Variants in NELL1 observed in about 807,000 individuals in gnomAD.
The protein encoded by NELL1 is neural EGFL like 1.
Under a neutral mutation model 107.4 loss-of-function variants are expected in NELL1, and 76 were observed. That is an observed-to-expected ratio of 0.71 (90% CI 0.59 to 0.86). The LOEUF (loss-of-function observed/expected upper bound fraction) is 0.86. Among genes scored for constraint, NELL1 ranks in the 40% least tolerant of loss-of-function variants. The probability of loss-of-function intolerance (pLI) is 0.00; values close to 1 mark genes in which losing one functional copy is unlikely to be tolerated. For missense variants in NELL1, 1,024 were observed against 1,005.5 expected, an observed-to-expected ratio of 1.02 and a Z score of -0.25; for synonymous variants, 353 against 341.2, an observed-to-expected ratio of 1.03 and a Z score of -0.38.
At chr11:21,416,957 AT>A (rs573813835) in intron 15 of NELL1, among the ~76,000 whole-genome samples, 43 of 151,882 alleles carry the variant, frequency 2.8e-4, no homozygotes, top group African/African-American at 7.5e-4. Context: ...ATATAAGTTT[AT>A]TTTTTTTAGT....
At chr11:20,909,878 G>A (rs1287257743) in intron 5 of NELL1, among the ~76,000 whole-genome samples, 1 of 152,106 alleles carries the variant, frequency 6.6e-6, no homozygotes, top group Non-Finnish European at 1.5e-5. Context: ...GGGTACATGT[G>A]CAGGATATTT....
intron 12 of NELL1, among the ~76,000 whole-genome samples, chr11:21,038,764 C>A (rs1402905072): frequency 6.6e-6 from 1 of 152,076 alleles, no homozygotes; most frequent in Non-Finnish European, 1.5e-5. Context: ...GCCTGTGGAC[C>A]AATGCTGGCC....
intron 12 of NELL1, among the ~76,000 whole-genome samples, chr11:21,044,198 A>G (rs1516761): frequency 0.33 from 49,665 of 151,938 alleles, 9,164 homozygotes; most frequent in African/African-American, 0.5. Flanking sequence ...TGCCTTTAGC[A>G]AGAAAGCAGC....
At chr11:20,944,668 A>T (rs1850926902) in intron 10 of NELL1, among the ~76,000 whole-genome samples, 1 of 152,258 alleles carries the variant, frequency 6.6e-6, no homozygotes, top group South Asian at 2.1e-4. Flanking sequence ...TACTAGAGAT[A>T]GGTTTGAAAA....
intron 13 of NELL1, among the ~76,000 whole-genome samples, chr11:21,130,464 C>T (rs180980192): frequency 6.6e-6 from 1 of 152,312 alleles, no homozygotes; most frequent in African/African-American, 2.4e-5. Context: ...GGGCACTTCA[C>T]ACACAGCATT....
chr11:21,368,623 C>T (rs1851287551), intron 14 of NELL1, among the ~76,000 whole-genome samples: 1 of 151,930 alleles, frequency 6.6e-6, no homozygotes, highest in South Asian at 2.1e-4. Flanking sequence ...TATCAGATAC[C>T]TCCATGAAAA....
intron 3 of NELL1, among the ~76,000 whole-genome samples, chr11:20,838,091 A>G (rs1848565244): frequency 6.6e-6 from 1 of 151,978 alleles, no homozygotes; most frequent in Non-Finnish European, 1.5e-5. Flanking sequence ...TAGTGATGTC[A>G]TGTAGTAGAA....
At chr11:20,913,286 T>C (rs1850172773) in intron 5 of NELL1, among the ~76,000 whole-genome samples, 1 of 152,000 alleles carries the variant, frequency 6.6e-6, no homozygotes, top group Non-Finnish European at 1.5e-5. Context: ...TATTTTAGCA[T>C]ACAAAAAAAT....
At chr11:21,466,050 A>G (rs1854022048) in intron 15 of NELL1, among the ~76,000 whole-genome samples, 1 of 152,108 alleles carries the variant, frequency 6.6e-6, no homozygotes, top group South Asian at 2.1e-4. Context: ...TAGCCTTCTC[A>G]TTTTATACAT....
chr11:21,519,538 G>T lies in NELL1; in HGVS notation c.1646-14836G>T, dbSNP rs947704637. 5.7e-4 allele frequency among the ~76,000 whole-genome samples: 35 copies of T among 61,888 alleles called. No individual in the cohort carries two copies. In the East Asian group the frequency reaches 0.012, roughly 22 times the overall value. The allele number at this position is 61,888 out of a possible 152,430, so 40.6% of individuals were successfully genotyped here. On this transcript the variant is annotated intron_variant, in intron 15 of 19. Transcript: ENST00000357134. ...TTTGTTTGTTTGTTTGTTTTGTTTT[G>T]TTTTTTGTTTTTTTTTTTAGATTAA...
chr11:20,889,678 G>A lies in NELL1; in HGVS notation c.603+4138G>A, dbSNP rs112440958. Among the ~76,000 whole-genome samples the A allele has an allele frequency of 7.3e-3, 1,110 of 152,156 alleles. 16 individuals are homozygous for A. Among genetic ancestry groups the A allele is most frequent in the African/African-American group, 0.025 (1,056 of 41,516 alleles). On this transcript the variant is annotated intron_variant, in intron 5 of 19. Transcript: ENST00000357134. ...TCCTTCACCATCAACCAAAATATCC[G>A]GGTTCTGTCATCAAAATTGACTAGA... is the stretch of plus-strand genomic sequence containing the variant.
chr11:21,300,042 TAATG>T (rs747613236), intron 14 of NELL1, among the ~76,000 whole-genome samples: 16 of 152,048 alleles, frequency 1.1e-4, no homozygotes, highest in East Asian at 5.8e-4. Context: ...AACACACAAA[TAATG>T]AATATTATTT....
At chr11:21,108,472 G>T (rs1484674629) in intron 12 of NELL1, among the ~76,000 whole-genome samples, 1 of 152,028 alleles carries the variant, frequency 6.6e-6, no homozygotes, top group Non-Finnish European at 1.5e-5. Context: ...TACCTCAAAA[G>T]ACCACCAGAA....
At chr11:21,308,595 T>A (rs1426971348) in intron 14 of NELL1, among the ~76,000 whole-genome samples, 1 of 152,052 alleles carries the variant, frequency 6.6e-6, no homozygotes, top group Non-Finnish European at 1.5e-5. Context: ...GGGAGAAAGA[T>A]GTTTTTGAAG....
intron 13 of NELL1, among the ~76,000 whole-genome samples, chr11:21,208,950 A>G (rs900874010): frequency 1.3e-5 from 2 of 152,144 alleles, no homozygotes; most frequent in Non-Finnish European, 1.5e-5. Flanking sequence ...TTAGCAGAGA[A>G]TCAGCAGGGC....
chr11:21,409,937 G>T (rs1183311917), intron 15 of NELL1, among the ~76,000 whole-genome samples: 1 of 151,910 alleles, frequency 6.6e-6, no homozygotes, highest in African/African-American at 2.4e-5. Context: ...GGAAGAAAGA[G>T]AAACAATACA....
chr11:20,799,137 A>C (rs536548956), intron 3 of NELL1, among the ~76,000 whole-genome samples: 2 of 152,320 alleles, frequency 1.3e-5, no homozygotes, highest in Non-Finnish European at 2.9e-5. Context: ...CAGAAAGATG[A>C]GTGTCCCAGA....
At chr11:20,932,060 A>G (rs993545866) in intron 9 of NELL1, among the ~76,000 whole-genome samples, 2 of 152,156 alleles carry the variant, frequency 1.3e-5, no homozygotes, top group East Asian at 3.9e-4. Context: ...AAATTTATCT[A>G]AGCATCCATG....
intron 14 of NELL1, among the ~76,000 whole-genome samples, chr11:21,230,466 A>G (rs1248873459): frequency 6.6e-6 from 1 of 152,224 alleles, no homozygotes; most frequent in Admixed American, 6.5e-5. Context: ...TCACCAAATC[A>G]CCAAAGAGGA....
Sources: allele counts gnomAD v4.1 joint callset (sites outside exome capture counted in the v4.1 genomes callset), GRCh38; gene constraint gnomAD v4.1.1; transcripts MANE v1.5; gene names NCBI Gene and HGNC (gene_info 2026-07-23, HGNC 2026-07-21).